The following PLCB1 variants were observed in gnomAD, a reference collection of about 807,000 sequenced individuals.
PLCB1 encodes the protein phospholipase C beta 1.
In PLCB1, 46 loss-of-function variants were observed where a neutral mutation model predicts 161.8. The observed-to-expected ratio is 0.28, with a 90% CI of 0.22 to 0.36. The LOEUF is 0.36. Among genes scored for constraint, PLCB1 ranks in the 10% least tolerant of loss-of-function variants. PLCB1 has a pLI of 1.00. For synonymous variants in PLCB1, 517 were observed against 503.7 expected, an observed-to-expected ratio of 1.03 and a Z score of -0.35; for missense variants, 1,016 against 1,472.5, an observed-to-expected ratio of 0.69 and a Z score of 5.07.
intron 3 of PLCB1, among the ~76,000 whole-genome samples, chr20:8,618,507 GAAA>G (rs901710791): frequency 1.4e-5 from 2 of 143,120 alleles, no homozygotes; most frequent in Admixed American, 7.0e-5. Context: ...CCACAAAAAG[GAAA>G]AAAAAAAAGT....
chr20:8,284,224 T>A (rs1983007933), intron 2 of PLCB1, among the ~76,000 whole-genome samples: 2 of 152,148 alleles, frequency 1.3e-5, no homozygotes. Flanking sequence ...TTGGTTTTCA[T>A]CTTGAATGAC....
chr20:8,602,764 G>A (rs1399454213), intron 3 of PLCB1, among the ~76,000 whole-genome samples: 1 of 152,154 alleles, frequency 6.6e-6, no homozygotes, highest in Non-Finnish European at 1.5e-5. Flanking sequence ...CTATTTAAAG[G>A]GATTTTAATT....
intron 3 of PLCB1, among the ~76,000 whole-genome samples, chr20:8,455,283 G>A (rs227128): frequency 0.35 from 51,368 of 145,702 alleles, 9,325 homozygotes; most frequent in Non-Finnish European, 0.39. Flanking sequence ...AGCCGAGATT[G>A]TGCCATTGCA....
intron 2 of PLCB1, among the ~76,000 whole-genome samples, chr20:8,262,792 C>G (rs973312690): frequency 6.6e-6 from 1 of 152,152 alleles, no homozygotes; most frequent in Non-Finnish European, 1.5e-5. Flanking sequence ...GACCTGCTTT[C>G]TGACTTGCAG....
chr20:8,722,196 C>T (rs1010469773), intron 14 of PLCB1, among the ~76,000 whole-genome samples, 158 bp from the exon 15 acceptor site: 3 of 151,916 alleles, frequency 2.0e-5, no homozygotes, highest in Admixed American at 1.3e-4. Flanking sequence ...GTATAATTTT[C>T]TATAACGAAT....
chr20:8,746,824 A>G (rs1306949901), intron 23 of PLCB1, among the ~76,000 whole-genome samples: 7 of 152,208 alleles, frequency 4.6e-5, no homozygotes, highest in African/African-American at 9.6e-5. Flanking sequence ...TGGTTCTGCA[A>G]CTCATGTTCC....
At chr20:8,134,214 A>G (rs74552452) in intron 1 of PLCB1, among the ~76,000 whole-genome samples, 2,180 of 150,360 alleles carry the variant, frequency 0.014, 20 homozygotes, top group Non-Finnish European at 0.023. Flanking sequence ...GCTTTGTGTC[A>G]GGGAAAAAAA....
At position 8,833,937 on chromosome 20, in the gene PLCB1, A is replaced by T. The variant is rs78278803; in HGVS notation, c.3423+43676A>T. On this transcript the variant is annotated intron_variant, in intron 31 of 31. Coordinates refer to ENST00000338037, the MANE Select transcript of PLCB1 (RefSeq NM_015192.4). ...CTCTGTGGCAGTTATGCAGACCTTT[A>T]CAACCACATTTCTTGTGGGTTGTAT... is the stretch of plus-strand genomic sequence containing the variant. Among the ~76,000 whole-genome samples the T allele has an allele frequency of 4.9e-3, 744 of 152,160 alleles. 43 individuals are homozygous for T. In the East Asian group the frequency reaches 0.12, roughly 24 times the overall value.
chr20:8,565,017 A>G (rs1986276302), intron 3 of PLCB1, among the ~76,000 whole-genome samples: 1 of 152,184 alleles, frequency 6.6e-6, no homozygotes, highest in Non-Finnish European at 1.5e-5. Context: ...AAATCATTCT[A>G]CTATAAAGAC....
intron 3 of PLCB1, among the ~76,000 whole-genome samples, chr20:8,616,332 A>T (rs1056966687): frequency 2.0e-5 from 3 of 152,080 alleles, no homozygotes; most frequent in African/African-American, 7.2e-5. Flanking sequence ...ACCACAAGAA[A>T]TTTGCATAAC....
At chr20:8,472,677 CA>C (rs564141828) in intron 3 of PLCB1, among the ~76,000 whole-genome samples, 16,653 of 142,964 alleles carry the variant, frequency 0.12, 951 homozygotes, top group Middle Eastern at 0.14. Context: ...AACTTTGTCT[CA>C]AAAAAAAAAA....
chr20:8,369,765 A>G (rs1986843760), intron 2 of PLCB1, among the ~76,000 whole-genome samples: 1 of 152,228 alleles, frequency 6.6e-6, no homozygotes, highest in African/African-American at 2.4e-5. Flanking sequence ...TTACAAGGTC[A>G]GAGTGAGCAA....
chr20:8,764,091 C>T (rs528129633), intron 25 of PLCB1, among the ~76,000 whole-genome samples: 19 of 152,174 alleles, frequency 1.2e-4, no homozygotes, highest in South Asian at 6.2e-4. Flanking sequence ...CACCTGAACC[C>T]GCGAGGTGGA....
chr20:8,187,439 G>A (rs186126226), intron 2 of PLCB1, among the ~76,000 whole-genome samples: 64 of 152,206 alleles, frequency 4.2e-4, no homozygotes, highest in African/African-American at 1.3e-3. Context: ...AAACTCTGGT[G>A]CCTCCTCCCA....
intron 3 of PLCB1, among the ~76,000 whole-genome samples, chr20:8,443,993 T>A (rs2122622068): frequency 6.6e-6 from 1 of 152,296 alleles, no homozygotes; most frequent in Middle Eastern, 3.4e-3. Context: ...TCTCTTCACT[T>A]AATTTATCTG....
At chr20:8,621,963 A>G (rs1008119422) in intron 3 of PLCB1, among the ~76,000 whole-genome samples, 2 of 152,188 alleles carry the variant, frequency 1.3e-5, no homozygotes, top group Non-Finnish European at 2.9e-5. Flanking sequence ...AATTAGAAGA[A>G]CTTGTTGTTA....
At chr20:8,255,361 A>G (rs1335019963) in intron 2 of PLCB1, among the ~76,000 whole-genome samples, 1 of 152,124 alleles carries the variant, frequency 6.6e-6, no homozygotes, top group Non-Finnish European at 1.5e-5. Flanking sequence ...GAAGTAGAAA[A>G]TGTTCTAATT....
At chr20:8,840,499 G>T (rs901363707) in intron 31 of PLCB1, among the ~76,000 whole-genome samples, 1 of 152,180 alleles carries the variant, frequency 6.6e-6, no homozygotes, top group African/African-American at 2.4e-5. Flanking sequence ...GTTAGGTCTT[G>T]CAGGATGCCT....
chr20:8,200,106 T>C (rs2052077259), intron 2 of PLCB1, among the ~76,000 whole-genome samples: 1 of 152,150 alleles, frequency 6.6e-6, no homozygotes, highest in African/African-American at 2.4e-5. Context: ...GCATTACTAA[T>C]ATCTTCTCCC....
Sources: allele counts gnomAD v4.1 joint callset (sites outside exome capture counted in the v4.1 genomes callset), GRCh38; gene constraint gnomAD v4.1.1; transcripts MANE v1.5; gene names NCBI Gene and HGNC (gene_info 2026-07-23, HGNC 2026-07-21).